The following CHODL variants were observed in gnomAD, a reference collection of about 807,000 sequenced individuals.
CHODL encodes the protein transmembrane protein MT75.
CHODL carries 29 observed loss-of-function variants against 34.5 expected under a neutral mutation model. The observed-to-expected ratio is 0.84, with a 90% confidence interval of 0.63 to 1.15. CHODL has a LOEUF of 1.15. Among genes scored for constraint, CHODL ranks in the 50% most tolerant of loss-of-function variants. CHODL has a pLI of 0.00. For missense variants in CHODL, 332 were observed against 332.5 expected, an observed-to-expected ratio of 1.00 and a Z score of 0.01; for synonymous variants, 125 against 116.1, an observed-to-expected ratio of 1.08 and a Z score of -0.49.
At chr21:18,189,064 T>A (rs1403073589) in intron 2 of CHODL, among the ~76,000 whole-genome samples, 1 of 152,222 alleles carries the variant, frequency 6.6e-6, no homozygotes, top group Non-Finnish European at 1.5e-5. Flanking sequence ...TAGTTTGTTG[T>A]CAGGCATACA....
intron 2 of CHODL, among the ~76,000 whole-genome samples, chr21:18,036,344 T>C (rs1161455993): frequency 2.0e-5 from 3 of 152,074 alleles, no homozygotes; most frequent in African/African-American, 7.2e-5. Flanking sequence ...CTCACACACA[T>C]GCAAAGATTA....
intron 2 of CHODL, among the ~76,000 whole-genome samples, chr21:18,174,161 A>ATCTTGGT (rs2073276201): frequency 4.7e-5 from 4 of 85,652 alleles, no homozygotes; most frequent in Non-Finnish European, 9.2e-5. Flanking sequence ...ATATATATAT[A>ATCTTGGT]AAATCAAGTC....
At chr21:18,154,317 G>C (rs1381832411) in intron 2 of CHODL, among the ~76,000 whole-genome samples, 1 of 152,004 alleles carries the variant, frequency 6.6e-6, no homozygotes, top group African/African-American at 2.4e-5. Flanking sequence ...CTGTAACAGG[G>C]ACACAAGAAC....
chr21:18,034,922 G>C (rs1435084755), intron 2 of CHODL, among the ~76,000 whole-genome samples: 2 of 151,918 alleles, frequency 1.3e-5, no homozygotes, highest in Non-Finnish European at 2.9e-5. Flanking sequence ...CCTGGTTGCT[G>C]TACCACAGTA....
chr21:18,137,492 A>G (rs764541800), intron 2 of CHODL, among the ~76,000 whole-genome samples: 1 of 152,138 alleles, frequency 6.6e-6, no homozygotes, highest in Non-Finnish European at 1.5e-5. Flanking sequence ...CCTTTCTCCC[A>G]GTTGCCAAGA....
intron 2 of CHODL, among the ~76,000 whole-genome samples, chr21:18,144,623 A>C (rs373374470): frequency 6.6e-6 from 1 of 152,050 alleles, no homozygotes; most frequent in Non-Finnish European, 1.5e-5. Context: ...ATAACTCTCT[A>C]TTTCTCTAGA....
At chr21:18,028,894 G>T (rs563236591) in intron 2 of CHODL, among the ~76,000 whole-genome samples, 39 of 152,066 alleles carry the variant, frequency 2.6e-4, no homozygotes, top group African/African-American at 8.9e-4. Context: ...GTAAATAATA[G>T]CTGGCATACC....
intron 2 of CHODL, among the ~76,000 whole-genome samples, chr21:18,135,606 T>C (rs887737253): frequency 6.6e-6 from 1 of 152,160 alleles, no homozygotes; most frequent in Admixed American, 6.6e-5. Flanking sequence ...ACCCTGCCAT[T>C]ATCTCTGAGA....
rs554561781 is a variant in CHODL, at chr21:18,227,587, A to G, written c.-44-28922A>G. On this transcript the variant is annotated intron_variant, in intron 2 of 6. Transcript: ENST00000400127. ...GAAAGTCAATTTGATTAGAAAATACATATATTCAAGTTTAGCCTCTTCCAG... is the reference window on the plus strand; with the variant it reads ...GAAAGTCAATTTGATTAGAAAATACGTATATTCAAGTTTAGCCTCTTCCAG... 3.2e-4 allele frequency among the ~76,000 whole-genome samples: 49 copies of G among 152,262 alleles called. No individual in the cohort carries two copies. In the South Asian group the frequency reaches 9.9e-3, roughly 31 times the overall value.
At chr21:18,126,880 A>C (rs1319650048) in intron 2 of CHODL, among the ~76,000 whole-genome samples, 1 of 152,258 alleles carries the variant, frequency 6.6e-6, no homozygotes, top group Non-Finnish European at 1.5e-5. Context: ...AAATGACAAT[A>C]GATTAAGGAA....
intron 2 of CHODL, among the ~76,000 whole-genome samples, chr21:18,151,416 C>T (rs1294094467): frequency 3.9e-5 from 6 of 152,168 alleles, no homozygotes; most frequent in Non-Finnish European, 8.8e-5. Context: ...GCATGTCATG[C>T]CCAGGGAAGG....
intron 2 of CHODL, among the ~76,000 whole-genome samples, chr21:18,219,630 T>C (rs1156916168): frequency 2.0e-5 from 3 of 152,232 alleles, no homozygotes; most frequent in Non-Finnish European, 4.4e-5. Flanking sequence ...TTAATTGGGA[T>C]AAGTTTATGT....
chr21:18,254,679 T>C (rs2074295615), intron 1 of CHODL, among the ~76,000 whole-genome samples: 1 of 152,116 alleles, frequency 6.6e-6, no homozygotes, highest in African/African-American at 2.4e-5. Context: ...TACACCGTAA[T>C]ATCCTTGACA....
intron 2 of CHODL, among the ~76,000 whole-genome samples, chr21:18,205,418 T>C (rs113487593): frequency 2.3e-3 from 352 of 152,342 alleles, no homozygotes; most frequent in Non-Finnish European, 4.3e-3. Flanking sequence ...ACCATCCTTG[T>C]ATCCCTGGGA....
intron 1 of CHODL, among the ~76,000 whole-genome samples, chr21:17,972,867 C>T (rs1401138333): frequency 1.3e-5 from 2 of 152,048 alleles, no homozygotes; most frequent in Non-Finnish European, 2.9e-5. Flanking sequence ...AAAGCTGGAG[C>T]CATCATACTA....
chr21:18,202,348 A>G (rs1485971121), intron 2 of CHODL, among the ~76,000 whole-genome samples: 2 of 152,198 alleles, frequency 1.3e-5, no homozygotes, highest in African/African-American at 4.8e-5. Context: ...TATTTGGAGT[A>G]AGGAAATCAC....
At chr21:18,259,073 T>C (rs1019068335) in intron 3 of CHODL, among the ~76,000 whole-genome samples, 1 of 152,122 alleles carries the variant, frequency 6.6e-6, no homozygotes, top group Non-Finnish European at 1.5e-5. Flanking sequence ...GGATTATGAT[T>C]AAACTTCCAA....
At chr21:18,189,108 G>A (rs76118630) in intron 2 of CHODL, among the ~76,000 whole-genome samples, 3,614 of 152,132 alleles carry the variant, frequency 0.024, 134 homozygotes, top group African/African-American at 0.082. Context: ...GCTTTTCCTG[G>A]CTCTATTTAT....
chr21:17,952,936 T>C (rs559533146), intron 1 of CHODL, among the ~76,000 whole-genome samples: 1 of 152,210 alleles, frequency 6.6e-6, no homozygotes, highest in South Asian at 2.1e-4. Context: ...TAGGAGTAAC[T>C]GCCACTTTTA....
Sources: gnomAD v4.1 joint callset for allele counts (sites outside exome capture counted in the v4.1 genomes callset) on GRCh38, gnomAD v4.1.1 for gene constraint, MANE v1.5 for transcripts, NCBI Gene and HGNC (gene_info 2026-07-23, HGNC 2026-07-21) for gene names.